CNTN4: variants seen among roughly 807,000 people sequenced by gnomAD.
The protein encoded by CNTN4 is contactin-4.
Under a neutral mutation model 122.5 loss-of-function variants are expected in CNTN4, and 77 were observed. The ratio of observed to expected loss-of-function variants is 0.63; its 90% CI spans 0.52 to 0.76. The LOEUF is 0.76. Ranked by LOEUF, CNTN4 falls within the 30% of genes least tolerant of loss-of-function variation. CNTN4 has a pLI of 0.00. For synonymous variants in CNTN4, 512 were observed against 447.0 expected (o/e 1.15, Z -1.83); for missense variants, 1,256 against 1,259.1 (o/e 1.00, Z 0.04).
intron 4 of CNTN4, among the ~76,000 whole-genome samples, chr3:2,606,877 C>G (rs984260671): frequency 6.6e-6 from 1 of 152,268 alleles, no homozygotes; most frequent in African/African-American, 2.4e-5. Flanking sequence ...TTTCCTTTGC[C>G]TCATGGCAGT....
Position 2,841,868 on chromosome 3 carries a change from A to G in CNTN4, c.454+22287A>G, listed in dbSNP as rs2093368009. Among the ~76,000 whole-genome samples, 1 of 150,008 alleles carries G rather than the reference A, an allele frequency of 6.7e-6. No individual in the cohort carries two copies. Among genetic ancestry groups the G allele is most frequent in the Non-Finnish European group, 1.5e-5 (1 of 68,040 alleles). Reference sequence around the variant, plus strand: ...CTAGGAGTAGGATCTAATCTTTTATATCACAGTAAGAAGCTGATCAAAGGT... The same window carrying G: ...CTAGGAGTAGGATCTAATCTTTTATGTCACAGTAAGAAGCTGATCAAAGGT... On this transcript the variant is annotated intron_variant, in intron 7 of 24. Coordinates refer to ENST00000418658, the MANE Select transcript of CNTN4 (RefSeq NM_175607.3). The surrounding 1 kb of genome is among the most constrained non-coding windows in gnomAD (Gnocchi z 4.8).
chr3:2,654,300 C>T (rs192049143), intron 4 of CNTN4, among the ~76,000 whole-genome samples: 4 of 152,252 alleles, frequency 2.6e-5, no homozygotes, highest in Middle Eastern at 3.4e-3. Flanking sequence ...CTAAGAAAAT[C>T]CCCTCAAAAT....
chr3:2,474,242 C>T (rs1217233227), intron 3 of CNTN4, among the ~76,000 whole-genome samples: 3 of 152,136 alleles, frequency 2.0e-5, no homozygotes, highest in Non-Finnish European at 4.4e-5. Flanking sequence ...TTAGTCTCTA[C>T]CCTCCACCAA....
At chr3:2,941,861 T>C (rs1469715772) in intron 13 of CNTN4, among the ~76,000 whole-genome samples, 1 of 152,190 alleles carries the variant, frequency 6.6e-6, no homozygotes, top group African/African-American at 2.4e-5. Context: ...TTCCCCTCCC[T>C]TACATCTTTA....
At chr3:2,505,397 G>A (rs2076705833) in intron 3 of CNTN4, among the ~76,000 whole-genome samples, 1 of 152,066 alleles carries the variant, frequency 6.6e-6, no homozygotes, top group Non-Finnish European at 1.5e-5. Context: ...AAAATATTGA[G>A]GGGAAATGGG....
At chr3:2,759,055 AT>A (rs1319148519) in intron 6 of CNTN4, among the ~76,000 whole-genome samples, 2 of 152,148 alleles carry the variant, frequency 1.3e-5, no homozygotes, top group Non-Finnish European at 2.9e-5. Context: ...TATTCTGGAC[AT>A]TTCATGTAAA....
intron 8 of CNTN4, among the ~76,000 whole-genome samples, chr3:2,879,079 T>G (rs66564764): frequency 6.6e-6 from 1 of 152,018 alleles, no homozygotes; most frequent in African/African-American, 2.4e-5. Flanking sequence ...GAATGTAACC[T>G]TATTTAGAAA....
At chr3:2,781,830 T>A (rs2091590541) in intron 6 of CNTN4, among the ~76,000 whole-genome samples, 1 of 134,792 alleles carries the variant, frequency 7.4e-6, no homozygotes, top group Non-Finnish European at 1.5e-5. Flanking sequence ...GTTCCCGCCA[T>A]TCTCCTGCCT....
chr3:2,498,480 T>A (rs915070852), intron 3 of CNTN4, among the ~76,000 whole-genome samples: 4 of 149,736 alleles, frequency 2.7e-5, no homozygotes, highest in Non-Finnish European at 6.0e-5. Context: ...TTTGTTGTTG[T>A]CGTTGTTGTT....
chr3:2,367,922 TATTTTTCTCTTG>T (rs2045464194), intron 3 of CNTN4, among the ~76,000 whole-genome samples: 1 of 152,166 alleles, frequency 6.6e-6, no homozygotes, highest in Non-Finnish European at 1.5e-5. Flanking sequence ...TAAGTACTAT[TATTTTTCTCTTG>T]AGCTTACCTC....
intron 2 of CNTN4, among the ~76,000 whole-genome samples, chr3:2,244,423 C>T (rs567637727): frequency 2.0e-5 from 3 of 151,942 alleles, no homozygotes; most frequent in East Asian, 1.9e-4. Context: ...CATGTGGCTA[C>T]TGGGAAATGG....
chr3:2,440,716 GTATA>G (rs2151280736), intron 3 of CNTN4, among the ~76,000 whole-genome samples: 1 of 150,842 alleles, frequency 6.6e-6, no homozygotes, highest in East Asian at 1.9e-4. Flanking sequence ...ACACACGTAT[GTATA>G]TACACACATA....
At chr3:2,562,977 C>G (rs2079021101) in intron 3 of CNTN4, among the ~76,000 whole-genome samples, 2 of 152,132 alleles carry the variant, frequency 1.3e-5, no homozygotes, top group Non-Finnish European at 2.9e-5. Flanking sequence ...GTCCTCCTGC[C>G]TCAGCTTCCC....
chr3:2,636,963 C>T (rs1190021065), intron 4 of CNTN4, among the ~76,000 whole-genome samples: 2 of 104,418 alleles, frequency 1.9e-5, no homozygotes, highest in African/African-American at 7.4e-5. Flanking sequence ...TTTGAGATAG[C>T]GTCTCACTCT....
intron 2 of CNTN4, among the ~76,000 whole-genome samples, chr3:2,122,084 G>A (rs1293972955): frequency 1.3e-5 from 2 of 151,862 alleles, no homozygotes; most frequent in East Asian, 1.9e-4. Flanking sequence ...GAACCCGGGA[G>A]GCGGAGCTTG....
At chr3:2,386,516 T>C (rs1308209960) in intron 3 of CNTN4, among the ~76,000 whole-genome samples, 1 of 152,236 alleles carries the variant, frequency 6.6e-6, no homozygotes, top group Non-Finnish European at 1.5e-5. Context: ...GTGTTTACAT[T>C]GCATTGAAAA....
intron 2 of CNTN4, among the ~76,000 whole-genome samples, chr3:2,318,422 T>G (rs2043181842): frequency 6.6e-6 from 1 of 152,112 alleles, no homozygotes; most frequent in Non-Finnish European, 1.5e-5. Flanking sequence ...TATAGCAAAG[T>G]GTTCTTTTTG....
intron 3 of CNTN4, among the ~76,000 whole-genome samples, chr3:2,452,259 G>A (rs2048855054): frequency 6.6e-6 from 1 of 152,128 alleles, no homozygotes; most frequent in Admixed American, 6.6e-5. Flanking sequence ...TTAGGCCGTT[G>A]GGAAGGAAGG....
chr3:3,003,923 A>G (rs1696337723), intron 14 of CNTN4, among the ~76,000 whole-genome samples: 1 of 151,704 alleles, frequency 6.6e-6, no homozygotes, highest in South Asian at 2.1e-4. Flanking sequence ...AAGCCCTACT[A>G]ATTTTTCTGT....
Sources: allele counts gnomAD v4.1 joint callset (sites outside exome capture counted in the v4.1 genomes callset), GRCh38; gene constraint gnomAD v4.1.1; non-coding constraint Gnocchi (gnomAD v3.1); transcripts MANE v1.5; gene names NCBI Gene and HGNC (gene_info 2026-07-23, HGNC 2026-07-21).